The following SYNE3 variants were observed in gnomAD, a reference collection of about 807,000 sequenced individuals.
SYNE3 encodes nesprin-3.
A neutral mutation model predicts 111.2 loss-of-function variants in SYNE3; 100 were observed. The observed-to-expected ratio is 0.90, with a 90% CI of 0.77 to 1.06. SYNE3 has a LOEUF of 1.06. Among genes scored for constraint, SYNE3 ranks in the 50% least tolerant of loss-of-function variants. The pLI, the probability that SYNE3 is intolerant of heterozygous loss-of-function variation, is 0.00. For missense variants in SYNE3, 1,160 were observed against 1,240.3 expected (o/e 0.94, Z 0.97); for synonymous variants, 547 against 533.9 (o/e 1.02, Z -0.34).
intron 1 of SYNE3, among the ~76,000 whole-genome samples, chr14:95,489,350 G>A (rs1253405783): frequency 6.6e-6 from 1 of 152,234 alleles, no homozygotes; most frequent in Non-Finnish European, 1.5e-5. Context: ...GCTGCCAGGG[G>A]TTCTCCTGGA....
At position 95,436,888 on chromosome 14, in the gene SYNE3, G is replaced by C. The variant is rs1350270899; in HGVS notation, c.2470C>G (p.Leu824Val). 4.3e-6 allele frequency: 7 copies of C among 1,614,192 alleles called. No homozygotes were observed. Among genetic ancestry groups the C allele is most frequent in the Middle Eastern group, 1.6e-4 (1 of 6,062 alleles). ...GQWLQVENSK[L>V]VRIIAMRTST... ...GTTCTCATTGCGATGATTCTAACCA[G>C]CTTGGAGTTTTCCACCTGCAACCAC... Residue 824 changes from leucine (L) to valine (V), a missense_variant, in exon 15 of 18, where the codon CTG (leucine) becomes GTG (valine). Coordinates refer to ENST00000682763, the MANE Select transcript of SYNE3 (RefSeq NM_152592.6).
intron 17 of SYNE3, among the ~76,000 whole-genome samples, chr14:95,427,979 C>T (rs2139361715): frequency 6.6e-6 from 1 of 152,272 alleles, no homozygotes; most frequent in Admixed American, 6.5e-5. Flanking sequence ...ATCTAAGACG[C>T]TGATTATAAA....
intron 17 of SYNE3, among the ~76,000 whole-genome samples, chr14:95,429,705 T>C (rs1330892014): frequency 3.3e-5 from 5 of 152,150 alleles, no homozygotes; most frequent in Admixed American, 6.5e-5. Context: ...TTTAGTCATT[T>C]AGGGCTTTCC....
Position 95,409,638 on chromosome 14 carries a change from A to T in SYNE3, c.*8188T>A. 1 of 338,262 alleles carries T rather than the reference A, an allele frequency of 3.0e-6. No homozygotes were observed. Among genetic ancestry groups the T allele is most frequent in the Non-Finnish European group, 5.9e-6 (1 of 170,544 alleles). 21.0% of individuals were successfully genotyped at this position (338,262 alleles called of 1,614,324 possible). A position where few individuals can be genotyped will look rare whatever the true frequency, so the allele number is the denominator to read the frequency against. The stretch of plus-strand genomic sequence containing the variant: ...AAGGCCCTGAACATCCTGCTGAACC[A>T]TTTGCTTTTAGACCACGAGCCTGTG... On this transcript the variant is annotated 3_prime_UTR_variant, in exon 18 of 18. Transcript: ENST00000682763.
chr14:95,444,764 G>A, intron 9 of SYNE3, 136 bp from the exon 10 acceptor site: 1 of 1,139,864 alleles, frequency 8.8e-7, no homozygotes, highest in Non-Finnish European at 1.2e-6. Flanking sequence ...CCTCCAGGAA[G>A]CCTTCCCTGA....
At chr14:95,439,889 G>C in intron 12 of SYNE3, 25 bp downstream of exon 12, 3 of 1,603,236 alleles carry the variant, frequency 1.9e-6, no homozygotes, top group Non-Finnish European at 2.6e-6. Flanking sequence ...TCTTTGGGAA[G>C]TGGGTGAGGG....
chr14:95,489,786 T>A (rs1249165272), intron 1 of SYNE3, among the ~76,000 whole-genome samples: 2 of 152,238 alleles, frequency 1.3e-5, no homozygotes, highest in South Asian at 4.1e-4. Flanking sequence ...GGAGCCAGGA[T>A]GGACATCTCT....
chr14:95,444,854 T>G (rs1261747601), intron 9 of SYNE3, among the ~76,000 whole-genome samples: 2 of 152,118 alleles, frequency 1.3e-5, no homozygotes, highest in African/African-American at 4.8e-5. Context: ...CCTCCAGAAC[T>G]GGGGCAAGCT....
intron 4 of SYNE3, among the ~76,000 whole-genome samples, chr14:95,460,387 TTTTTG>T: frequency 6.7e-6 from 1 of 148,222 alleles, no homozygotes; most frequent in African/African-American, 2.5e-5. Flanking sequence ...TTTTTTTTTT[TTTTTG>T]CTATTTTTAG....
At position 95,507,847 on chromosome 14, in the gene SYNE3, C is replaced by CT. The variant is rs1595264326; in HGVS notation, c.-15+8748dup. 3.9e-5 allele frequency among the ~76,000 whole-genome samples: 6 copies of CT among 152,196 alleles called. No individual in the cohort carries two copies. In the South Asian group the frequency reaches 1.2e-3, roughly 32 times the overall value. Reference sequence around the variant, plus strand: ...GTGAACAAGTGGCGGAGGGGTTTCCCTAGGAGAAAAGGATGTGGTCAGAGA... The same window carrying CT: ...GTGAACAAGTGGCGGAGGGGTTTCCCTTAGGAGAAAAGGATGTGGTCAGAGA... On this transcript the variant is annotated intron_variant, in intron 1 of 17. Transcript: ENST00000682763.
At chr14:95,495,811 G>A (rs961503730) in intron 1 of SYNE3, among the ~76,000 whole-genome samples, 1 of 152,248 alleles carries the variant, frequency 6.6e-6, no homozygotes, top group Non-Finnish European at 1.5e-5. Context: ...AGAGACAGAC[G>A]GGGTGGAGGG....
At position 95,408,551 on chromosome 14, in the gene SYNE3, G is replaced by A. The variant is rs528973234; in HGVS notation, c.*9275C>T. On this transcript the variant is annotated 3_prime_UTR_variant, in exon 18 of 18. Coordinates refer to ENST00000682763, the MANE Select transcript of SYNE3 (RefSeq NM_152592.6). ...ACTTTGGGTAAAACGTCCTGAGCCC[G>A]ATGTGGTCTCCCTGGCTTCTGAGAG... The A allele has an allele frequency of 7.2e-5, 11 of 153,804 alleles. No homozygotes were observed. Among genetic ancestry groups the A allele is most frequent in the Non-Finnish European group, 1.4e-4 (10 of 69,068 alleles). 9.5% of individuals were successfully genotyped at this position (153,804 alleles called of 1,614,324 possible). A position where few individuals can be genotyped will look rare whatever the true frequency, so the allele number is the denominator to read the frequency against.
chr14:95,447,764 A>G (rs1250337255), intron 8 of SYNE3, among the ~76,000 whole-genome samples: 1 of 152,150 alleles, frequency 6.6e-6, no homozygotes, highest in Non-Finnish European at 1.5e-5. Flanking sequence ...TGGGGACTTG[A>G]GATCATGAGT....
intron 2 of SYNE3, among the ~76,000 whole-genome samples, 189 bp from the exon 3 acceptor site, chr14:95,468,156 G>A (rs557900383): frequency 5.9e-5 from 9 of 152,330 alleles, no homozygotes; most frequent in Non-Finnish European, 8.8e-5. Flanking sequence ...GGTAGGAGGC[G>A]GGAGCAAAGG....
intron 1 of SYNE3, among the ~76,000 whole-genome samples, chr14:95,505,028 G>A (rs550759501): frequency 6.6e-6 from 1 of 152,296 alleles, no homozygotes; most frequent in South Asian, 2.1e-4. Context: ...CTGGGGGAAG[G>A]GACCCTATTC....
In SYNE3 at chr14:95,455,441, C is replaced by A. The variant is rs1435694026; in HGVS notation, c.1073G>T (p.Gly358Val). The change falls in exon 6 of 18, where the codon GGC becomes GTC. Residue 358 changes from glycine (G) to valine (V), a missense_variant. Gly to Val is a moderately radical substitution (Grantham distance 109). Transcript: ENST00000682763. ...CCCCGCTTTCGCCGCAGGCTGCAGG[C>A]CCTCCTGGGCCAGCCTCTGCAGGAC... ...RMVLQRLAQE[G>V]LQPAAKAGTE... The A allele has an allele frequency of 6.3e-7, 1 of 1,597,330 alleles. No individual in the cohort carries two copies. Among genetic ancestry groups the A allele is most frequent in the East Asian group, 2.2e-5 (1 of 44,646 alleles).
In SYNE3 at chr14:95,500,335, C is replaced by T. The variant is rs564602755; in HGVS notation, c.-15+16261G>A. Among the ~76,000 whole-genome samples the T allele has an allele frequency of 1.1e-4, 16 of 152,284 alleles. No homozygotes were observed. In the South Asian group the frequency reaches 2.7e-3, roughly 26 times the overall value. On this transcript the variant is annotated intron_variant, in intron 1 of 17. Coordinates refer to ENST00000682763, the MANE Select transcript of SYNE3 (RefSeq NM_152592.6). This position sits in a 1 kb window ranked among gnomAD's most constrained non-coding sequence, Gnocchi z 4.7. The stretch of plus-strand genomic sequence containing the variant: ...GGTTTACGACGTGCCTGTGAGAAGC[C>T]GGGCATCCAGCCTAGGAACTGCCTT...
At chr14:95,501,953 CA>C (rs1441838879) in intron 1 of SYNE3, among the ~76,000 whole-genome samples, 1 of 152,134 alleles carries the variant, frequency 6.6e-6, no homozygotes. Flanking sequence ...AAGGATAGCA[CA>C]GGGGCTCTGG....
At chr14:95,497,824 C>A (rs1299320162) in intron 1 of SYNE3, among the ~76,000 whole-genome samples, 1 of 152,136 alleles carries the variant, frequency 6.6e-6, no homozygotes, top group Non-Finnish European at 1.5e-5. Context: ...AGTTTGTCAA[C>A]CCCTCCTGTG....
Sources: gnomAD v4.1 joint callset for allele counts (sites outside exome capture counted in the v4.1 genomes callset) on GRCh38, gnomAD v4.1.1 for gene constraint, Gnocchi (gnomAD v3.1) non-coding constraint, MANE v1.5 for transcripts, NCBI Gene and HGNC (gene_info 2026-07-23, HGNC 2026-07-21) for gene names.